The following CLIC5 variants were observed in gnomAD, a reference collection of about 807,000 sequenced individuals.
CLIC5 encodes the protein chloride intracellular channel protein 5.
CLIC5 carries 20 observed loss-of-function variants against 24.7 expected under a neutral mutation model. The observed-to-expected ratio is 0.81, with a 90% CI of 0.57 to 1.18. The LOEUF (loss-of-function observed/expected upper bound fraction) is 1.18, where lower values mean the gene tolerates loss of function less well. CLIC5 is among the 50% of genes most tolerant of loss of function. The pLI is 0.00. For synonymous variants in CLIC5, 159 were observed against 135.6 expected, an observed-to-expected ratio of 1.17 and a Z score of -1.20; for missense variants, 341 against 326.1, an observed-to-expected ratio of 1.05 and a Z score of -0.35.
intron 1 of CLIC5, among the ~76,000 whole-genome samples, chr6:46,003,980 A>C (rs1766451087): frequency 6.6e-6 from 1 of 152,224 alleles, no homozygotes; most frequent in Non-Finnish European, 1.5e-5. Context: ...TTCCTTCCTC[A>C]AAGGATAAGA....
chr6:45,972,316 T>C (rs1765227886), intron 1 of CLIC5, among the ~76,000 whole-genome samples: 1 of 152,218 alleles, frequency 6.6e-6, no homozygotes, highest in Admixed American at 6.5e-5. Context: ...TCACGAGTTC[T>C]CTGTGAGGAT....
intron 4 of CLIC5, among the ~76,000 whole-genome samples, chr6:45,921,733 C>G (rs1306661411): frequency 2.0e-5 from 3 of 152,280 alleles, no homozygotes; most frequent in Non-Finnish European, 2.9e-5. Flanking sequence ...TTGCTCTTGA[C>G]TTTCCTAACA....
At chr6:46,117,156 C>T in the CLIC5 span, among the ~76,000 whole-genome samples, 1 of 152,164 alleles carries the variant, frequency 6.6e-6, no homozygotes, top group African/African-American at 2.4e-5. Flanking sequence ...CATGCAATAG[C>T]TTCTCCCCTT....
chr6:46,101,620 G>A, the CLIC5 span, among the ~76,000 whole-genome samples: 1 of 152,150 alleles, frequency 6.6e-6, no homozygotes, highest in Admixed American at 6.5e-5. Flanking sequence ...TGGCTTGTGT[G>A]GAGATTTGGC....
At chr6:46,003,030 A>G (rs970662358) in intron 1 of CLIC5, among the ~76,000 whole-genome samples, 1 of 152,210 alleles carries the variant, frequency 6.6e-6, no homozygotes, top group African/African-American at 2.4e-5. Context: ...ATGAAGTTTG[A>G]AGCCAGGCTC....
chr6:45,916,228 T>A (rs1344658380), intron 4 of CLIC5, among the ~76,000 whole-genome samples: 3 of 152,248 alleles, frequency 2.0e-5, no homozygotes, highest in African/African-American at 7.2e-5. Context: ...GGTGTGGCAT[T>A]TGAACTACTT....
chr6:45,977,617 C>G (rs1469827976), intron 1 of CLIC5, among the ~76,000 whole-genome samples: 1 of 152,034 alleles, frequency 6.6e-6, no homozygotes, highest in Non-Finnish European at 1.5e-5. Context: ...ATAAATTCTC[C>G]CCTTTCAAGA....
At chr6:46,038,099 A>G (rs1436051963) in intron 1 of CLIC5, among the ~76,000 whole-genome samples, 2 of 152,112 alleles carry the variant, frequency 1.3e-5, no homozygotes, top group Non-Finnish European at 2.9e-5. Flanking sequence ...TCTGGTAGCT[A>G]TTCTTCAGTA....
chr6:45,935,663 A>G (rs895746331), intron 4 of CLIC5, among the ~76,000 whole-genome samples: 13 of 152,340 alleles, frequency 8.5e-5, no homozygotes, highest in African/African-American at 7.2e-5. Context: ...GCTCTTTCGC[A>G]GGACCACGAG....
At chr6:46,033,778 T>C (rs1264358950) in intron 1 of CLIC5, among the ~76,000 whole-genome samples, 3 of 152,232 alleles carry the variant, frequency 2.0e-5, no homozygotes, top group African/African-American at 4.8e-5. Context: ...TCCTGCATTG[T>C]CTCTCCTGTG....
intron 1 of CLIC5, among the ~76,000 whole-genome samples, chr6:46,057,313 G>T (rs1481574363): frequency 1.3e-5 from 2 of 152,148 alleles, no homozygotes; most frequent in African/African-American, 4.8e-5. Flanking sequence ...AAAATCTGAT[G>T]GGTTTATCAG....
intron 1 of CLIC5, among the ~76,000 whole-genome samples, chr6:45,955,760 C>T (rs1363213023): frequency 1.3e-5 from 2 of 149,836 alleles, no homozygotes; most frequent in Non-Finnish European, 3.0e-5. Context: ...CCTTGGATGT[C>T]ATGAATATAA....
At chr6:45,922,066 A>T (rs529611725) in intron 4 of CLIC5, among the ~76,000 whole-genome samples, 1 of 152,190 alleles carries the variant, frequency 6.6e-6, no homozygotes, top group African/African-American at 2.4e-5. Flanking sequence ...ACTTCAACAG[A>T]TTCCCCACTG....
intron 1 of CLIC5, among the ~76,000 whole-genome samples, chr6:46,047,523 T>A (rs1767985856): frequency 6.6e-6 from 1 of 152,270 alleles, no homozygotes; most frequent in Non-Finnish European, 1.5e-5. Flanking sequence ...ACAGAGGATC[T>A]AGTTTTCACC....
At chr6:46,041,682 T>C (rs1202804532) in intron 1 of CLIC5, among the ~76,000 whole-genome samples, 2 of 152,238 alleles carry the variant, frequency 1.3e-5, no homozygotes, top group Non-Finnish European at 2.9e-5. Flanking sequence ...TTTGTGGTTG[T>C]ATACCTAAAG....
the CLIC5 span, among the ~76,000 whole-genome samples, chr6:46,086,731 C>T: frequency 2.0e-5 from 3 of 152,164 alleles, no homozygotes; most frequent in African/African-American, 4.8e-5. Flanking sequence ...TTTCTAGTAG[C>T]TGGTATTGCT....
At chr6:45,935,340 C>T (rs1354002865) in intron 4 of CLIC5, among the ~76,000 whole-genome samples, 2 of 152,216 alleles carry the variant, frequency 1.3e-5, no homozygotes, top group African/African-American at 4.8e-5. Context: ...GAGGCACTGG[C>T]TTGCAGAAGG....
chr6:46,090,123 TGTAGA>T, the CLIC5 span, among the ~76,000 whole-genome samples: 1 of 152,212 alleles, frequency 6.6e-6, no homozygotes, highest in African/African-American at 2.4e-5. Context: ...AAAGTAGGTC[TGTAGA>T]GTTAGAAAAA....
intron 1 of CLIC5, among the ~76,000 whole-genome samples, chr6:45,992,092 G>A (rs1765962498): frequency 6.6e-6 from 1 of 152,206 alleles, no homozygotes; most frequent in South Asian, 2.1e-4. Flanking sequence ...TCCAGAGGCT[G>A]TGAGGCAAGC....
Sources: gnomAD v4.1 joint callset for allele counts (sites outside exome capture counted in the v4.1 genomes callset) on GRCh38, gnomAD v4.1.1 for gene constraint, MANE v1.5 for transcripts, NCBI Gene and HGNC (gene_info 2026-07-23, HGNC 2026-07-21) for gene names.